Variants in ZNG1F observed in about 807,000 individuals in gnomAD.
The protein encoded by ZNG1F is Zn regulated GTPase metalloprotein activator 1F, also known as zinc-regulated GTPase metalloprotein activator 1F.
At chr9:41,193,471 T>TA in the ZNG1F span, among the ~76,000 whole-genome samples, 55,673 of 140,352 alleles carry the variant, frequency 0.4, 8,612 homozygotes, top group Non-Finnish European at 0.49. Flanking sequence ...ACTAAAACTT[T>TA]AAAAAACAGG....
chr9:41,145,327 T>G, the ZNG1F span: 46 of 368,262 alleles, frequency 1.2e-4, 1 homozygote, highest in Non-Finnish European at 1.9e-4. Context: ...AAGTTTTTTC[T>G]GCAAACTAAA....
chr9:41,166,541 C>T, the ZNG1F span, among the ~76,000 whole-genome samples: 4 of 130,082 alleles, frequency 3.1e-5, no homozygotes, highest in Non-Finnish European at 6.4e-5. Context: ...TTCCCGAGTT[C>T]CTCAAAATTA....
chr9:41,178,927 C>T, the ZNG1F span, among the ~76,000 whole-genome samples: 1 of 132,508 alleles, frequency 7.5e-6, no homozygotes, highest in Non-Finnish European at 1.6e-5. Flanking sequence ...TTAGGACTTT[C>T]ATAGCTATAG....
At chr9:41,147,512 C>G in the ZNG1F span, among the ~76,000 whole-genome samples, 1 of 56,110 alleles carries the variant, frequency 1.8e-5, no homozygotes, top group African/African-American at 9.4e-5. Context: ...CATCTTCTAC[C>G]AAAATAAAAA....
the ZNG1F span, among the ~76,000 whole-genome samples, chr9:41,154,712 C>A: frequency 6.7e-6 from 1 of 149,512 alleles, no homozygotes; most frequent in East Asian, 2.0e-4. Flanking sequence ...ATATCTACAA[C>A]TATCTGATCT....
At chr9:41,199,145 CTTAATTCATTTCAGCA>C in the ZNG1F span, 2 of 45,816 alleles carry the variant, frequency 4.4e-5, no homozygotes, top group Non-Finnish European at 1.3e-4. Context: ...CTCCCAAAGT[CTTAATTCATTTCAGCA>C]TTAATTCATT....
chr9:41,183,304 T>C, the ZNG1F span, among the ~76,000 whole-genome samples: 2 of 134,470 alleles, frequency 1.5e-5, no homozygotes, highest in South Asian at 2.4e-4. Flanking sequence ...TATGAGACTT[T>C]CATGCACTAG....
the ZNG1F span, among the ~76,000 whole-genome samples, chr9:41,193,082 A>C: frequency 7.4e-6 from 1 of 135,982 alleles, no homozygotes; most frequent in African/African-American, 2.6e-5. Context: ...CCCATTTTAT[A>C]GATGAGGAAA....
the ZNG1F span, among the ~76,000 whole-genome samples, chr9:41,137,201 A>G: frequency 6.7e-6 from 1 of 148,484 alleles, no homozygotes; most frequent in Non-Finnish European, 1.5e-5. Flanking sequence ...AGTTTGAGGA[A>G]TTTTTACATT....
chr9:41,195,487 T>C, the ZNG1F span, among the ~76,000 whole-genome samples: 1 of 114,758 alleles, frequency 8.7e-6, no homozygotes, highest in Non-Finnish European at 1.9e-5. Flanking sequence ...GGCTGTGACA[T>C]TAAAGGCTGT....
the ZNG1F span, among the ~76,000 whole-genome samples, chr9:41,144,313 C>T: frequency 2.4e-5 from 1 of 40,934 alleles, no homozygotes; most frequent in Non-Finnish European, 7.1e-5. Flanking sequence ...CTTGGTATCA[C>T]GTTCTTTACC....
the ZNG1F span, among the ~76,000 whole-genome samples, chr9:41,205,046 T>C: frequency 5.7e-5 from 8 of 140,784 alleles, no homozygotes; most frequent in African/African-American, 2.1e-4. Flanking sequence ...AAGAAATCTA[T>C]CCTAGGGTCT....
the ZNG1F span, among the ~76,000 whole-genome samples, chr9:41,137,358 C>T: frequency 2.8e-5 from 4 of 144,340 alleles, 1 homozygote; most frequent in East Asian, 8.4e-4. Flanking sequence ...TTTTAATTTT[C>T]TTAAAATTTA....
chr9:41,145,479 A>T, the ZNG1F span: 1 of 517,840 alleles, frequency 1.9e-6, no homozygotes, highest in Non-Finnish European at 3.4e-6. Context: ...TTGTTCGCAA[A>T]TTCCAATAGA....
the ZNG1F span, among the ~76,000 whole-genome samples, chr9:41,151,371 C>T: frequency 6.7e-6 from 1 of 150,080 alleles, no homozygotes. Context: ...AAATCTACAT[C>T]TGATTGGTGT....
chr9:41,154,444 G>C, the ZNG1F span, among the ~76,000 whole-genome samples: 2 of 142,564 alleles, frequency 1.4e-5, no homozygotes, highest in Non-Finnish European at 3.1e-5. Flanking sequence ...GTAATTTACA[G>C]ATTCAATGCC....
At chr9:41,152,388 T>C in the ZNG1F span, among the ~76,000 whole-genome samples, 4 of 149,230 alleles carry the variant, frequency 2.7e-5, no homozygotes, top group South Asian at 4.3e-4. Flanking sequence ...CTTAGACTCC[T>C]ACACAATAAT....
the ZNG1F span, among the ~76,000 whole-genome samples, chr9:41,200,749 G>A: frequency 6.6e-6 from 1 of 152,212 alleles, no homozygotes; most frequent in African/African-American, 2.4e-5. Context: ...CACAATCATG[G>A]CGGAAGGCAA....
the ZNG1F span, chr9:41,146,088 T>A: frequency 6.9e-6 from 1 of 145,198 alleles, no homozygotes; most frequent in Non-Finnish European, 1.5e-5. Context: ...TTGTAGGAAC[T>A]ATTGGAGGGA....
Sources: gnomAD v4.1 joint callset for allele counts (sites outside exome capture counted in the v4.1 genomes callset) on GRCh38, gnomAD v4.1.1 for gene constraint, MANE v1.5 for transcripts, NCBI Gene and HGNC (gene_info 2026-07-23, HGNC 2026-07-21) for gene names.